Variants in SYNE2 observed in about 807,000 individuals in gnomAD.
SYNE2 encodes the protein nesprin-2.
Under a neutral mutation model 856.3 loss-of-function variants are expected in SYNE2, and 431 were observed. That is an observed-to-expected ratio of 0.50 (90% CI 0.47 to 0.55). The LOEUF (loss-of-function observed/expected upper bound fraction) is 0.55, where lower values mean the gene tolerates loss of function less well. Among genes scored for constraint, SYNE2 ranks in the 20% least tolerant of loss-of-function variants. SYNE2 has a pLI of 0.00. For missense variants in SYNE2, 8,129 were observed against 8,023.2 expected (o/e 1.01, Z -0.50); for synonymous variants, 2,923 against 2,872.3 (o/e 1.02, Z -0.56).
intron 1 of SYNE2, among the ~76,000 whole-genome samples, chr14:63,815,924 T>C (rs1005690684): frequency 2.0e-5 from 3 of 151,686 alleles, no homozygotes; most frequent in African/African-American, 7.3e-5. Context: ...TTTGTTTCCA[T>C]AGAAATGTTC....
chr14:64,172,933 G>GA (rs201610379), intron 94 of SYNE2, among the ~76,000 whole-genome samples: 5,573 of 148,440 alleles, frequency 0.038, 316 homozygotes, highest in African/African-American at 0.13. Context: ...AGACCTGTCT[G>GA]GAAAAAAAAA....
intron 1 of SYNE2, among the ~76,000 whole-genome samples, chr14:63,809,208 G>A (rs1276328207): frequency 6.6e-6 from 1 of 151,430 alleles, no homozygotes; most frequent in Non-Finnish European, 1.5e-5. Context: ...TAAATAAAGC[G>A]TTTGTGTTCT....
chr14:64,105,250 C>T lies in SYNE2; in HGVS notation c.12493-2241C>T, dbSNP rs184656720. Among the ~76,000 whole-genome samples the T allele has an allele frequency of 5.9e-5, 9 of 152,282 alleles. No individual in the cohort carries two copies. The East Asian group carries it at 9.6e-4, about 16-fold the overall frequency. ...ATGACTTTTCCTAAAACCAATCATG[C>T]GAAACCTCAGCCTAAAATTCTTCAT... On this transcript the variant is annotated intron_variant, in intron 64 of 115. Coordinates refer to ENST00000555002, the MANE Select transcript of SYNE2 (RefSeq NM_182914.3).
intron 1 of SYNE2, among the ~76,000 whole-genome samples, chr14:63,779,118 G>A (rs1024998242): frequency 6.6e-6 from 1 of 151,596 alleles, no homozygotes; most frequent in Non-Finnish European, 1.5e-5. Context: ...TCAGGAGTTC[G>A]AGATCAGCCT....
chr14:63,775,506 C>A (rs551425025), intron 1 of SYNE2, among the ~76,000 whole-genome samples: 4 of 151,868 alleles, frequency 2.6e-5, no homozygotes, highest in Non-Finnish European at 5.9e-5. Context: ...GAGCTCCTGA[C>A]TTCAGGTGAT....
At chr14:64,008,476 T>A (rs563616481) in intron 31 of SYNE2, among the ~76,000 whole-genome samples, 19 of 152,322 alleles carry the variant, frequency 1.2e-4, no homozygotes, top group African/African-American at 4.6e-4. Context: ...GTTGCAAAAA[T>A]TTTTGAAACT....
Position 63,984,630 on chromosome 14 carries a change from C to T in SYNE2, c.2151+744C>T, listed in dbSNP as rs1169120987. Among the ~76,000 whole-genome samples the T allele has an allele frequency of 2.6e-5, 4 of 152,186 alleles. No individual in the cohort carries two copies. In the East Asian group the frequency reaches 7.7e-4, roughly 29 times the overall value. ...CATCCTACCAAGTATGGGAAAAGAA[C>T]AAAAAATAAATTAAAAATCATATAC... On this transcript the variant is annotated intron_variant, in intron 18 of 115. Transcript: ENST00000555002.
chr14:63,918,515 G>T (rs1017232973), intron 2 of SYNE2, among the ~76,000 whole-genome samples: 6 of 152,202 alleles, frequency 3.9e-5, no homozygotes, highest in Admixed American at 3.9e-4. Flanking sequence ...ATCAGAGATG[G>T]AATGTCTGAA....
intron 98 of SYNE2, 21 bp from the exon 99 acceptor site, chr14:64,190,050 A>AT (rs1567596515): frequency 5.6e-6 from 9 of 1,611,118 alleles, no homozygotes; most frequent in Non-Finnish European, 7.6e-6. Context: ...GCCAGGCTTT[A>AT]TGTTTTGGTG....
Position 63,948,742 on chromosome 14 carries a change from A to ATATGTGTATATATATG in SYNE2, c.409-1082_409-1081insATGTGTATATATATGT, listed in dbSNP as rs1555393577. On this transcript the variant is annotated intron_variant, in intron 6 of 115. Transcript: ENST00000555002. ...TGTGTGTATATATATGTGTATAGATATGTGTGTGTATATATATGTATATAT... is the reference window on the plus strand; with the variant it reads ...TGTGTGTATATATATGTGTATAGATATATGTGTATATATATGTGTGTGTGTATATATATGTATATAT... Among the ~76,000 whole-genome samples the ATATGTGTATATATATG allele has an allele frequency of 2.2e-4, 21 of 95,574 alleles. 1 individual carries two copies. Among genetic ancestry groups the ATATGTGTATATATATG allele is most frequent in the African/African-American group, 5.4e-4 (14 of 25,922 alleles). The allele number at this position is 95,574 out of a possible 152,430, so 62.7% of individuals were successfully genotyped here. A position where few individuals can be genotyped will look rare whatever the true frequency, so the allele number is the denominator to read the frequency against.
At position 64,123,868 on chromosome 14, in the gene SYNE2, TCACACA is replaced by T. The variant is rs34459065; in HGVS notation, c.13423-1197_13423-1192del. On this transcript the variant is annotated intron_variant, in intron 70 of 115. Coordinates refer to ENST00000555002, the MANE Select transcript of SYNE2 (RefSeq NM_182914.3). ...TTACTAAACTGAAAGATTAATGATT[TCACACA>T]CACACACACACACCACCTTTTTTTT... 1.0e-4 allele frequency among the ~76,000 whole-genome samples: 15 copies of T among 148,248 alleles called. No homozygotes were observed. In the East Asian group the frequency reaches 2.2e-3, roughly 21 times the overall value.
chr14:64,124,819 A>G (rs1018483203), intron 70 of SYNE2, among the ~76,000 whole-genome samples: 5 of 152,056 alleles, frequency 3.3e-5, no homozygotes, highest in Admixed American at 2.6e-4. Flanking sequence ...CCTAGCTAAC[A>G]TGGCAAAGCC....
In SYNE2 at chr14:63,978,912, C is replaced by G. The variant is rs201524373; in HGVS notation, c.1467C>G (p.Cys489Trp). 6 of 1,612,524 alleles carry G rather than the reference C, an allele frequency of 3.7e-6. No individual in the cohort carries two copies. Among genetic ancestry groups the G allele is most frequent in the Non-Finnish European group, 5.1e-6 (6 of 1,178,732 alleles). ...TTCTAGAATTTCATTACTACAAGTG[C>G]TTAGTTCTTGGTTTGGTAGATGAAG... ...ILLLEFHYYKCLVLGLVDEVK... is the reference protein window; with the variant it reads ...ILLLEFHYYKWLVLGLVDEVK... The change falls in exon 14 of 116, where the codon TGC becomes TGG. Residue 489 changes from cysteine (C) to tryptophan (W), a missense_variant. Physicochemically the swap from Cys to Trp is radical, Grantham distance 215 (BLOSUM62 -2). Transcript: ENST00000555002.
At chr14:63,794,885 C>G (rs987930521) in intron 1 of SYNE2, among the ~76,000 whole-genome samples, 2 of 152,100 alleles carry the variant, frequency 1.3e-5, no homozygotes, top group Non-Finnish European at 2.9e-5. Context: ...TATCATATGA[C>G]CCAATAATTC....
chr14:64,025,783 G>A (rs2096973255), intron 41 of SYNE2, among the ~76,000 whole-genome samples: 1 of 152,174 alleles, frequency 6.6e-6, no homozygotes, highest in Non-Finnish European at 1.5e-5. Context: ...CAATGTCGAG[G>A]CAGGGGAGTT....
At chr14:63,893,117 T>C (rs2095173190) in intron 1 of SYNE2, among the ~76,000 whole-genome samples, 2 of 152,148 alleles carry the variant, frequency 1.3e-5, no homozygotes, top group South Asian at 2.1e-4. Flanking sequence ...ATGATTCTTA[T>C]TTTTAGAAAA....
chr14:63,821,981 A>G (rs1889234428), intron 1 of SYNE2, among the ~76,000 whole-genome samples: 1 of 152,190 alleles, frequency 6.6e-6, no homozygotes, highest in South Asian at 2.1e-4. Flanking sequence ...ACTTGAGGTT[A>G]GGAGCTCAAG....
rs114981593 is a variant in SYNE2, at chr14:64,196,590, T to C, written c.18039-6211T>C. Among the ~76,000 whole-genome samples the C allele has an allele frequency of 2.5e-3, 383 of 152,314 alleles. 2 individuals carry two copies. The highest frequency in any genetic ancestry group is 8.8e-3 in the African/African-American group (364 of 41,580). ...AGAGGACAAGAGGAAGGCATTCCTA[T>C]TGGACTCAGGGGCTTCAGATTTTGC... is the stretch of plus-strand genomic sequence containing the variant. On this transcript the variant is annotated intron_variant, in intron 99 of 115. Coordinates refer to ENST00000555002, the MANE Select transcript of SYNE2 (RefSeq NM_182914.3).
intron 1 of SYNE2, among the ~76,000 whole-genome samples, chr14:63,875,277 G>A (rs548864064): frequency 2.6e-5 from 4 of 152,096 alleles, no homozygotes; most frequent in African/African-American, 9.6e-5. Context: ...ACTTTATGAG[G>A]CCCAGTTTCA....
Sources: gnomAD v4.1 joint callset for allele counts (sites outside exome capture counted in the v4.1 genomes callset) on GRCh38, gnomAD v4.1.1 for gene constraint, MANE v1.5 for transcripts, NCBI Gene and HGNC (gene_info 2026-07-23, HGNC 2026-07-21) for gene names.